ITPR1: variants seen among roughly 807,000 people sequenced by gnomAD.
The protein encoded by ITPR1 is inositol 1,4,5-trisphosphate-gated calcium channel ITPR1.
Under a neutral mutation model 318.4 loss-of-function variants are expected in ITPR1, and 96 were observed. That is an observed-to-expected ratio of 0.30 (90% CI 0.26 to 0.36). The LOEUF (loss-of-function observed/expected upper bound fraction) is 0.36. Among genes scored for constraint, ITPR1 ranks in the 10% least tolerant of loss-of-function variants. ITPR1 has a pLI of 1.00. For synonymous variants in ITPR1, 1,312 were observed against 1,289.9 expected (o/e 1.02, Z -0.37); for missense variants, 2,440 against 3,460.2 (o/e 0.71, Z 7.40).
At chr3:4,814,335 A>T in intron 57 of ITPR1, 88 bp from the exon 58 acceptor site, 1 of 1,323,986 alleles carries the variant, frequency 7.6e-7, no homozygotes, top group Admixed American at 1.7e-5. Flanking sequence ...GTGCCTGGTG[A>T]GATGGCATTC....
In ITPR1 at chr3:4,794,713, T is replaced by C. The variant is rs550162530; in HGVS notation, c.6809-352T>C. On this transcript the variant is annotated intron_variant, in intron 52 of 61. Transcript: ENST00000649015. ...GGCATCTCATCTGGTCCCAGAGCCC[T>C]AGGGGGAACCGAGGACTCAATGTGT... 7.9e-5 allele frequency among the ~76,000 whole-genome samples: 12 copies of C among 152,196 alleles called. No homozygotes were observed. The South Asian group carries it at 2.5e-3, about 32-fold the overall frequency.
At chr3:4,791,653 ACTC>A (rs1171197917) in intron 52 of ITPR1, among the ~76,000 whole-genome samples, 1 of 152,010 alleles carries the variant, frequency 6.6e-6, no homozygotes, top group Non-Finnish European at 1.5e-5. Flanking sequence ...GTAAGCTATG[ACTC>A]CTCCTGTGGG....
At chr3:4,609,573 G>T (rs139897856) in intron 4 of ITPR1, among the ~76,000 whole-genome samples, 1 of 152,090 alleles carries the variant, frequency 6.6e-6, no homozygotes, top group African/African-American at 2.4e-5. Context: ...CACCTCACAC[G>T]TGGTCGGGGC....
chr3:4,596,950 G>C (rs1021987635), intron 4 of ITPR1, among the ~76,000 whole-genome samples: 1 of 152,198 alleles, frequency 6.6e-6, no homozygotes, highest in Admixed American at 6.5e-5. Context: ...GTTACCAGGG[G>C]TTTGCCGCTT....
intron 60 of ITPR1, 109 bp from the exon 61 acceptor site, chr3:4,836,665 C>A: frequency 9.1e-7 from 1 of 1,098,678 alleles, no homozygotes; most frequent in Non-Finnish European, 1.2e-6. Context: ...AGGAGATAAC[C>A]TAATGAGAGT....
intron 44 of ITPR1, among the ~76,000 whole-genome samples, chr3:4,746,851 C>T (rs988622858): frequency 6.6e-6 from 1 of 152,210 alleles, no homozygotes; most frequent in East Asian, 1.9e-4. Context: ...GGTTGTTTAT[C>T]TTCCCTCACC....
intron 61 of ITPR1, 129 bp from the exon 62 acceptor site, chr3:4,846,010 A>G: frequency 1.9e-6 from 1 of 533,500 alleles, no homozygotes; most frequent in South Asian, 3.3e-5. Context: ...TGATATAGCG[A>G]TGGTACACTA....
chr3:4,625,977 G>A (rs757042315), intron 4 of ITPR1, among the ~76,000 whole-genome samples: 20 of 152,266 alleles, frequency 1.3e-4, no homozygotes, highest in Non-Finnish European at 2.6e-4. Flanking sequence ...TTATTGGTTT[G>A]TTGATGACAT....
At chr3:4,628,510 G>A (rs2092913259) in intron 5 of ITPR1, among the ~76,000 whole-genome samples, 1 of 152,176 alleles carries the variant, frequency 6.6e-6, no homozygotes, top group Admixed American at 6.5e-5. Flanking sequence ...TTAGTGCCCT[G>A]CATTCCGAGG....
intron 24 of ITPR1, among the ~76,000 whole-genome samples, chr3:4,679,839 C>T (rs900457843): frequency 8.5e-5 from 13 of 152,318 alleles, no homozygotes; most frequent in African/African-American, 2.9e-4. Context: ...AGCATGGAGG[C>T]AGGCCAGAGA....
intron 20 of ITPR1, 55 bp from the exon 21 acceptor site, chr3:4,673,081 T>C (rs1390773598): frequency 6.4e-7 from 1 of 1,566,438 alleles, no homozygotes; most frequent in Non-Finnish European, 8.7e-7. Context: ...CGACCCTTCA[T>C]TCATCCTGAA....
At chr3:4,694,932 A>G (rs1342663696) in intron 33 of ITPR1, among the ~76,000 whole-genome samples, 1 of 152,232 alleles carries the variant, frequency 6.6e-6, no homozygotes, top group Non-Finnish European at 1.5e-5. Flanking sequence ...AGAATTTTGC[A>G]CATAAACGCA....
intron 42 of ITPR1, among the ~76,000 whole-genome samples, chr3:4,728,999 G>A (rs910325548): frequency 6.6e-5 from 10 of 152,138 alleles, no homozygotes; most frequent in Admixed American, 5.9e-4. Flanking sequence ...CATGGCCCGA[G>A]GCACCTTGCA....
chr3:4,603,585 A>G (rs1437860443), intron 4 of ITPR1, among the ~76,000 whole-genome samples: 1 of 152,080 alleles, frequency 6.6e-6, no homozygotes, highest in Non-Finnish European at 1.5e-5. Flanking sequence ...GCGCGCCACC[A>G]CACCTAGCTA....
chr3:4,716,456 G>A (rs568291162), intron 39 of ITPR1, among the ~76,000 whole-genome samples: 80 of 152,282 alleles, frequency 5.3e-4, no homozygotes, highest in African/African-American at 1.9e-3. Flanking sequence ...GGATATCTTA[G>A]AATGTATTTA....
At chr3:4,567,640 C>G (rs923600600) in intron 4 of ITPR1, among the ~76,000 whole-genome samples, 10 of 151,906 alleles carry the variant, frequency 6.6e-5, no homozygotes, top group African/African-American at 2.4e-4. Context: ...GGGTCTTACT[C>G]TGCCACCCAG....
At chr3:4,802,736 C>T (rs557371909) in intron 54 of ITPR1, among the ~76,000 whole-genome samples, 4 of 151,404 alleles carry the variant, frequency 2.6e-5, no homozygotes, top group Admixed American at 6.6e-5. Context: ...GGCTGAGGCA[C>T]GAGAATCTCT....
At chr3:4,804,975 C>G (rs2048468390) in intron 54 of ITPR1, among the ~76,000 whole-genome samples, 1 of 152,130 alleles carries the variant, frequency 6.6e-6, no homozygotes, top group African/African-American at 2.4e-5. Flanking sequence ...TGGCCTCCTC[C>G]TGAGCCAAGT....
At chr3:4,628,637 T>C (rs1371185731) in intron 5 of ITPR1, among the ~76,000 whole-genome samples, 1 of 152,212 alleles carries the variant, frequency 6.6e-6, no homozygotes, top group Non-Finnish European at 1.5e-5. Flanking sequence ...CTCCCCGTCA[T>C]GTAACATCAT....
Sources: allele counts gnomAD v4.1 joint callset (sites outside exome capture counted in the v4.1 genomes callset), GRCh38; gene constraint gnomAD v4.1.1; transcripts MANE v1.5; gene names NCBI Gene and HGNC (gene_info 2026-07-23, HGNC 2026-07-21).